CEP152: variants seen among roughly 807,000 people sequenced by gnomAD.
The protein encoded by CEP152 is centrosomal protein of 152 kDa.
Under a neutral mutation model 188.9 loss-of-function variants are expected in CEP152, and 132 were observed. That is an observed-to-expected ratio of 0.70 (90% CI 0.61 to 0.81). The LOEUF is 0.81. Among genes scored for constraint, CEP152 ranks in the 30% least tolerant of loss-of-function variants. The probability of loss-of-function intolerance (pLI) is 0.00; values close to 1 mark genes in which losing one functional copy is unlikely to be tolerated. For missense variants in CEP152, 1,914 were observed against 1,969.8 expected (o/e 0.97, Z 0.54); for synonymous variants, 649 against 666.6 (o/e 0.97, Z 0.41).
At chr15:48,782,331 G>A in intron 10 of CEP152, 101 bp from the exon 11 acceptor site, 1 of 996,262 alleles carries the variant, frequency 1.0e-6, no homozygotes. Flanking sequence ...AGAAAGTAAA[G>A]TTCTGCTTTA....
Position 48,748,437 on chromosome 15 carries a change from GCTAAC to G in CEP152, c.3634+1_3634+5del. The G allele has an allele frequency of 1.3e-6, 2 of 1,526,484 alleles. No individual in the cohort carries two copies. The highest frequency in any genetic ancestry group is 1.7e-6 in the Non-Finnish European group (2 of 1,142,934). The allele number at this position is 1,526,484 out of a possible 1,614,324, so 94.6% of individuals were successfully genotyped here. On this transcript the variant is annotated splice_donor_variant and splice_donor_5th_base_variant and intron_variant, in intron 22 of 26. Coordinates refer to ENST00000380950, the MANE Select transcript of CEP152 (RefSeq NM_001194998.2). LOFTEE classifies it high-confidence loss of function. ...TATTGGTAGCAGTGCTACTTTAAAT[GCTAAC>G]CTCCAATTTTTTCCACTACAGCTTT...
intron 19 of CEP152, among the ~76,000 whole-genome samples, chr15:48,758,733 A>AAAT (rs1894460096): frequency 6.6e-6 from 1 of 151,088 alleles, no homozygotes; most frequent in African/African-American, 2.4e-5. Flanking sequence ...AAAAAAAAAA[A>AAAT]AAAAGGCAAA....
chr15:48,770,492 A>G (rs1895453123), intron 13 of CEP152, among the ~76,000 whole-genome samples: 1 of 152,010 alleles, frequency 6.6e-6, no homozygotes, highest in South Asian at 2.1e-4. Flanking sequence ...TGTATAGCAA[A>G]TGCCATTAGC....
chr15:48,809,043 G>T (rs1035732878), intron 1 of CEP152, among the ~76,000 whole-genome samples: 2 of 152,122 alleles, frequency 1.3e-5, no homozygotes, highest in Non-Finnish European at 2.9e-5. Flanking sequence ...CATTCCTTTT[G>T]TTGTCCCCGG....
intron 1 of CEP152, among the ~76,000 whole-genome samples, chr15:48,808,640 A>T: frequency 6.6e-6 from 1 of 152,158 alleles, no homozygotes; most frequent in Admixed American, 6.5e-5. Context: ...TTGAAAAAAC[A>T]AACAAACAAA....
intron 17 of CEP152, among the ~76,000 whole-genome samples, chr15:48,764,126 G>GT (rs1221204254): frequency 6.6e-6 from 1 of 152,136 alleles, no homozygotes; most frequent in Non-Finnish European, 1.5e-5. Flanking sequence ...TAAAAATTAC[G>GT]TATCTGGTTC....
chr15:48,777,945 A>G (rs1019069059), intron 12 of CEP152, among the ~76,000 whole-genome samples: 3 of 152,206 alleles, frequency 2.0e-5, no homozygotes, highest in Non-Finnish European at 4.4e-5. Flanking sequence ...GTAGTGACCA[A>G]TCCTGAAAAA....
At chr15:48,773,515 A>C (rs1361394978) in intron 12 of CEP152, 1 of 152,308 alleles carries the variant, frequency 6.6e-6, no homozygotes, top group Non-Finnish European at 1.5e-5. Context: ...AGTGGCTAGA[A>C]TATGAAGGGA....
At position 48,785,231 on chromosome 15, in the gene CEP152, G is replaced by C. The variant is rs151192785; in HGVS notation, c.1174-1111C>G. Among the ~76,000 whole-genome samples, 947 of 152,254 alleles carry C rather than the reference G, an allele frequency of 6.2e-3. 10 individuals carry two copies. Among genetic ancestry groups the C allele is most frequent in the African/African-American group, 0.022 (912 of 41,530 alleles). On this transcript the variant is annotated intron_variant, in intron 9 of 26. Transcript: ENST00000380950. ...ATACATAACTACCTTGAAGCAAAGAGACTCTGAAGTCTCCCATTTTAGCTT... is the reference window on the plus strand; with the variant it reads ...ATACATAACTACCTTGAAGCAAAGACACTCTGAAGTCTCCCATTTTAGCTT...
At chr15:48,792,432 G>A (rs1567023585) in intron 7 of CEP152, among the ~76,000 whole-genome samples, 1 of 152,190 alleles carries the variant, frequency 6.6e-6, no homozygotes, top group Non-Finnish European at 1.5e-5. Flanking sequence ...AATTTGAAAT[G>A]AGCTAGAGTT....
At chr15:48,773,645 G>C (rs1895706730) in intron 12 of CEP152, 1 of 152,174 alleles carries the variant, frequency 6.6e-6, no homozygotes, top group South Asian at 2.1e-4. Context: ...ATGTTTCAAT[G>C]AGCCATAATG....
chr15:48,738,224 A>T lies in CEP152; in HGVS notation c.*25T>A, dbSNP rs751596960. Reference sequence around the variant, plus strand: ...TTCCATTTTTGTTAATATATTAATGATTCTTCTTAAATACTGTACCATAAT... The same window carrying T: ...TTCCATTTTTGTTAATATATTAATGTTTCTTCTTAAATACTGTACCATAAT... On this transcript the variant is annotated 3_prime_UTR_variant, in exon 27 of 27. Coordinates refer to ENST00000380950, the MANE Select transcript of CEP152 (RefSeq NM_001194998.2). 10 of 1,584,788 alleles carry T rather than the reference A, an allele frequency of 6.3e-6. No homozygotes were observed. In the Admixed American group the frequency reaches 1.8e-4, roughly 28 times the overall value.
Position 48,772,423 on chromosome 15 carries a change from G to C in CEP152, c.1782+64C>G. 3 of 1,358,324 alleles carry C rather than the reference G, an allele frequency of 2.2e-6. No individual in the cohort carries two copies. In the South Asian group the frequency reaches 3.6e-5, roughly 16 times the overall value. 84.1% of individuals were successfully genotyped at this position (1,358,324 alleles called of 1,614,324 possible). A position where few individuals can be genotyped will look rare whatever the true frequency, so the allele number is the denominator to read the frequency against. On this transcript the variant is annotated intron_variant, in intron 13 of 26. Coordinates refer to ENST00000380950, the MANE Select transcript of CEP152 (RefSeq NM_001194998.2). ...GACGCCCTGTCTCAAAAAAAAAAAA[G>C]TGTAAAAGTTTTCTTTATTGAGCCT...
chr15:48,756,967 A>C (rs771553224), intron 19 of CEP152, among the ~76,000 whole-genome samples: 1 of 152,198 alleles, frequency 6.6e-6, no homozygotes, highest in Non-Finnish European at 1.5e-5. Context: ...ACACCTGCAT[A>C]ATTACTTGCT....
rs1000613525 is a variant in CEP152 at position 48,811,014 on chromosome 15, A to T, written c.-61T>A. On this transcript the variant is annotated 5_prime_UTR_variant, in exon 1 of 27. Transcript: ENST00000380950. ...GAAACTCTAGTCCTGGCGGAAGACC[A>T]ACTTCTAGCAGATCCCCTTACCCTG... The T allele has an allele frequency of 6.6e-6, 1 of 152,502 alleles. No individual in the cohort carries two copies. The highest frequency in any genetic ancestry group is 2.4e-5 in the African/African-American group (1 of 41,472). 9.4% of individuals were successfully genotyped at this position (152,502 alleles called of 1,614,324 possible).
At position 48,751,353 on chromosome 15, in the gene CEP152, G is replaced by C. The variant is rs901306259; in HGVS notation, c.3466+996C>G. 2.0e-5 allele frequency among the ~76,000 whole-genome samples: 3 copies of C among 152,022 alleles called. No homozygotes were observed. In the South Asian group the frequency reaches 6.2e-4, roughly 32 times the overall value. On this transcript the variant is annotated intron_variant, in intron 21 of 26. Coordinates refer to ENST00000380950, the MANE Select transcript of CEP152 (RefSeq NM_001194998.2). Reference sequence around the variant, plus strand: ...AGAATTCTCAGGCTATTCCAAACAGGGCATAAAAAGTACAATGCAAAATAC... The same window carrying C: ...AGAATTCTCAGGCTATTCCAAACAGCGCATAAAAAGTACAATGCAAAATAC...
intron 13 of CEP152, 135 bp downstream of exon 13, chr15:48,772,352 A>G: frequency 1.4e-6 from 1 of 737,676 alleles, no homozygotes; most frequent in Non-Finnish European, 2.3e-6. Context: ...TTGAGGCTAC[A>G]GGGAGCCATG....
At position 48,768,276 on chromosome 15, in the gene CEP152, T is replaced by G; in HGVS notation, c.1961A>C (p.Asn654Thr). The change falls in exon 15 of 27, where the codon AAT (asparagine) becomes ACT (threonine). Residue 654 changes from asparagine (N) to threonine (T), a missense_variant. By Grantham distance (65) the Asn-to-Thr change is moderately conservative. Coordinates refer to ENST00000380950, the MANE Select transcript of CEP152 (RefSeq NM_001194998.2). ...ATCTTGTACCATTTGTCTCATTTGA[T>G]TACATAAGTCTTGATTTGTATTTCT... ...KLRNTNQDLC[N>T]QMRQMVQDFD... is the part of the protein sequence containing the mutation. 6 of 1,612,594 alleles carry G rather than the reference T, an allele frequency of 3.7e-6. No individual in the cohort carries two copies. The highest frequency in any genetic ancestry group is 4.2e-6 in the Non-Finnish European group (5 of 1,178,572).
chr15:48,785,073 TAAG>T (rs1229642386), intron 9 of CEP152, among the ~76,000 whole-genome samples: 1 of 151,998 alleles, frequency 6.6e-6, no homozygotes, highest in Non-Finnish European at 1.5e-5. Flanking sequence ...AAATAAGAAA[TAAG>T]AAGAATACTG....
Sources: gnomAD v4.1 joint callset for allele counts (sites outside exome capture counted in the v4.1 genomes callset) on GRCh38, gnomAD v4.1.1 for gene constraint, MANE v1.5 for transcripts, NCBI Gene and HGNC (gene_info 2026-07-23, HGNC 2026-07-21) for gene names.